Variants in CAPN14 observed in about 807,000 individuals in gnomAD.
The protein encoded by CAPN14 is calpain-14.
In CAPN14, 94 loss-of-function variants were observed where a neutral mutation model predicts 101.3. The observed-to-expected ratio is 0.93, with a 90% CI of 0.79 to 1.10. The LOEUF (loss-of-function observed/expected upper bound fraction) is 1.10, where lower values mean the gene tolerates loss of function less well. Ranked by LOEUF, CAPN14 falls within the 50% of genes least tolerant of loss-of-function variation. The pLI, the probability that CAPN14 is intolerant of heterozygous loss-of-function variation, is 0.00. For synonymous variants in CAPN14, 338 were observed against 317.9 expected, an observed-to-expected ratio of 1.06 and a Z score of -0.67; for missense variants, 837 against 828.4, an observed-to-expected ratio of 1.01 and a Z score of -0.13.
intron 16 of CAPN14, among the ~76,000 whole-genome samples, 199 bp from the exon 17 acceptor site, chr2:31,181,199 T>C (rs1680578135): frequency 6.6e-6 from 1 of 152,064 alleles, no homozygotes; most frequent in South Asian, 2.1e-4. Context: ...TCAAATGCTA[T>C]AGGGGATGCC....
intron 2 of CAPN14, among the ~76,000 whole-genome samples, chr2:31,223,541 TC>T (rs1423038344): frequency 2.9e-5 from 4 of 136,816 alleles, no homozygotes; most frequent in African/African-American, 1.3e-4. Context: ...CTTTTTCTTT[TC>T]TTTTTTTTTT....
chr2:31,227,075 A>G (rs1174609694), intron 1 of CAPN14, among the ~76,000 whole-genome samples: 2 of 152,234 alleles, frequency 1.3e-5, no homozygotes, highest in African/African-American at 4.8e-5. Flanking sequence ...GACACTGACC[A>G]TAATTAGGAG....
chr2:31,214,615 C>T (rs1431524927), intron 1 of CAPN14, among the ~76,000 whole-genome samples: 1 of 152,170 alleles, frequency 6.6e-6, no homozygotes, highest in African/African-American at 2.4e-5. Context: ...GACTGCATGC[C>T]TCTATGGAGG....
intron 1 of CAPN14, among the ~76,000 whole-genome samples, chr2:31,206,418 A>G (rs1235297757): frequency 2.6e-5 from 4 of 152,128 alleles, no homozygotes; most frequent in East Asian, 1.9e-4. Context: ...ACACCCAGCT[A>G]ATTTTTGTAT....
At chr2:31,232,883 T>C (rs2148712854) in intron 1 of CAPN14, among the ~76,000 whole-genome samples, 1 of 152,322 alleles carries the variant, frequency 6.6e-6, no homozygotes, top group East Asian at 1.9e-4. Flanking sequence ...CTACTCCTTC[T>C]TCATCTGTGG....
chr2:31,210,574 G>A (rs926279341), intron 1 of CAPN14, among the ~76,000 whole-genome samples: 3 of 152,110 alleles, frequency 2.0e-5, no homozygotes, highest in African/African-American at 7.2e-5. Flanking sequence ...GTTATGAGTT[G>A]ACTTATTTTC....
chr2:31,229,044 T>A (rs1326977803), intron 1 of CAPN14, among the ~76,000 whole-genome samples: 1 of 152,232 alleles, frequency 6.6e-6, no homozygotes. Flanking sequence ...GGGCATTACA[T>A]GCAGCAGGAT....
At chr2:31,214,035 A>C (rs1682525637) in intron 1 of CAPN14, among the ~76,000 whole-genome samples, 1 of 152,228 alleles carries the variant, frequency 6.6e-6, no homozygotes, top group South Asian at 2.1e-4. Flanking sequence ...TTTGCCTTTC[A>C]GTAAACAATG....
intron 16 of CAPN14, among the ~76,000 whole-genome samples, chr2:31,182,598 G>T (rs1341895356): frequency 7.6e-6 from 1 of 131,466 alleles, no homozygotes; most frequent in African/African-American, 3.4e-5. Context: ...GCTTCAAAGA[G>T]AATAAAATAC....
Position 31,181,256 on chromosome 2 carries a change from C to T in CAPN14, c.1646-256G>A, listed in dbSNP as rs532334999. Among the ~76,000 whole-genome samples the T allele has an allele frequency of 1.2e-3, 189 of 152,182 alleles. 5 individuals carry two copies. The South Asian group carries it at 0.038, about 31-fold the overall frequency. On this transcript the variant is annotated intron_variant, in intron 16 of 21. Transcript: ENST00000403897. Reference sequence around the variant, plus strand: ...ACACAGAGGGCCAAATGAACATGCCCTTTGTACCTAGGGAGGGCCAGGATC... The same window carrying T: ...ACACAGAGGGCCAAATGAACATGCCTTTTGTACCTAGGGAGGGCCAGGATC...
intron 1 of CAPN14, among the ~76,000 whole-genome samples, chr2:31,232,282 C>T (rs4952071): frequency 0.51 from 76,847 of 152,048 alleles, 21,615 homozygotes; most frequent in East Asian, 0.75. Context: ...CTAGACTGTG[C>T]CTCACCCTTA....
chr2:31,177,974 A>C (rs998129494), intron 18 of CAPN14, among the ~76,000 whole-genome samples, 153 bp from the exon 19 acceptor site: 3 of 152,246 alleles, frequency 2.0e-5, no homozygotes, highest in African/African-American at 7.2e-5. Flanking sequence ...AATATGGCAG[A>C]GTCCATGCTG....
chr2:31,205,136 T>G, intron 2 of CAPN14, 87 bp downstream of exon 2: 1 of 1,186,612 alleles, frequency 8.4e-7, no homozygotes, highest in Non-Finnish European at 1.2e-6. Flanking sequence ...AAAAAGCCTG[T>G]TTTTTTCTCC....
chr2:31,211,892 T>C (rs1004581327), intron 1 of CAPN14, among the ~76,000 whole-genome samples: 20 of 152,194 alleles, frequency 1.3e-4, no homozygotes, highest in African/African-American at 4.8e-4. Context: ...AGTGGTTACC[T>C]GGGGCTAGGA....
Position 31,180,996 on chromosome 2 carries a change from C to G in CAPN14, c.1650G>C (p.Leu550=), listed in dbSNP as rs199964386. 2.5e-3 allele frequency: 3,808 copies of G among 1,551,710 alleles called. 6 individuals carry two copies. Among genetic ancestry groups the G allele is most frequent in the Non-Finnish European group, 3.0e-3 (3,484 of 1,146,938 alleles). The change falls in exon 17 of 22, where the codon CTG becomes CTC. Residue 550 remains leucine (L), a synonymous_variant. Coordinates refer to ENST00000403897, the MANE Select transcript of CAPN14 (RefSeq NM_001145122.2). Reference sequence around the variant, plus strand: ...GGCTAAAGAAGGGCTGTCTGCTCCCCAGACCTGTGAAGGAGCGAAAGAGTC... The same window carrying G: ...GGCTAAAGAAGGGCTGTCTGCTCCCGAGACCTGTGAAGGAGCGAAAGAGTC... The part of the protein sequence containing the change: ...NLLNQMTWSS[L]GSRQPFFSLE...
At position 31,203,055 on chromosome 2, in the gene CAPN14, G is replaced by T; in HGVS notation, c.295+15C>A. On this transcript the variant is annotated intron_variant, in intron 3 of 21. Transcript: ENST00000403897. ...GGCAGCCTAGTGTCTGTCTCTCGGG[G>T]CTGTGCAAACTTACCTACTATCCCC... is the stretch of plus-strand genomic sequence containing the variant. 1.3e-6 allele frequency: 2 copies of T among 1,549,732 alleles called. No individual in the cohort carries two copies. The highest frequency in any genetic ancestry group is 2.4e-5 in the South Asian group (2 of 83,988).
At chr2:31,178,253 C>G (rs1680409879) in intron 18 of CAPN14, among the ~76,000 whole-genome samples, 1 of 151,952 alleles carries the variant, frequency 6.6e-6, no homozygotes, top group African/African-American at 2.4e-5. Context: ...TCTCTGAAGC[C>G]CATGGGGAGT....
At chr2:31,207,256 G>A (rs1323781481) in intron 1 of CAPN14, among the ~76,000 whole-genome samples, 1 of 152,038 alleles carries the variant, frequency 6.6e-6, no homozygotes, top group African/African-American at 2.4e-5. Flanking sequence ...CTTTCCCCAG[G>A]AAGCCCTCCT....
chr2:31,217,239 G>A (rs1157442580), intron 1 of CAPN14, among the ~76,000 whole-genome samples: 1 of 152,156 alleles, frequency 6.6e-6, no homozygotes, highest in African/African-American at 2.4e-5. Flanking sequence ...CCAAAGGGCT[G>A]AAGTCTATTC....
Sources: allele counts gnomAD v4.1 joint callset (sites outside exome capture counted in the v4.1 genomes callset), GRCh38; gene constraint gnomAD v4.1.1; transcripts MANE v1.5; gene names NCBI Gene and HGNC (gene_info 2026-07-23, HGNC 2026-07-21).